Variants in PDXDC1 observed in about 807,000 individuals in gnomAD.
The protein encoded by PDXDC1 is pyridoxal-dependent decarboxylase domain-containing protein 1.
A neutral mutation model predicts 100.1 loss-of-function variants in PDXDC1; 42 were observed. The observed-to-expected ratio is 0.42, with a 90% CI of 0.33 to 0.54. The LOEUF is 0.54. PDXDC1 is among the 20% of genes least tolerant of loss of function. The pLI is 0.10. For missense variants in PDXDC1, 636 were observed against 979.2 expected, an observed-to-expected ratio of 0.65 and a Z score of 4.68; for synonymous variants, 260 against 371.7, an observed-to-expected ratio of 0.70 and a Z score of 3.46.
In PDXDC1 at chr16:15,136,112, C is replaced by A. The variant is rs543163793; in HGVS notation, c.1400-2767C>A. The A allele has an allele frequency of 3.2e-6, 5 of 1,566,994 alleles. No individual in the cohort carries two copies. The East Asian group carries it at 1.1e-4, about 35-fold the overall frequency. ...TCCACCCGCTGCACAGTCGAGAAGC[C>A]GATCCACACGTCTAGGCTCCTGGGG... On this transcript the variant is annotated intron_variant, in intron 16 of 16. Coordinates refer to the PDXDC1 transcript ENST00000535621.
In PDXDC1 at chr16:15,032,935, T is replaced by C; in HGVS notation, c.1646T>C (p.Leu549Pro). Residue 549 changes from leucine to proline, a missense_variant, in exon 18 of 23, where the codon CTG (leucine) becomes CCG (proline). Leu to Pro is a moderately conservative substitution (Grantham distance 98, BLOSUM62 -3). Transcript: ENST00000396410. Reference protein sequence around the residue: ...PEGENIHAGLLKKLNELESDL... With the variant: ...PEGENIHAGLPKKLNELESDL... The stretch of plus-strand genomic sequence containing the variant: ...GGGGAAAACATCCATGCTGGACTCC[T>C]GAAGAAGTTAAATGAACTGGAATCT... 1 of 1,611,242 alleles carries C rather than the reference T, an allele frequency of 6.2e-7. No homozygotes were observed.
At chr16:14,979,311 A>G in intron 1 of PDXDC1, among the ~76,000 whole-genome samples, 1 of 152,040 alleles carries the variant, frequency 6.6e-6, no homozygotes, top group East Asian at 1.9e-4. Flanking sequence ...TTTTTTTGAG[A>G]TGGAGTCTCC....
intron 16 of PDXDC1, chr16:15,071,310 C>G: frequency 6.7e-7 from 1 of 1,490,094 alleles, no homozygotes; most frequent in African/African-American, 1.4e-5. Flanking sequence ...ATCTGGCTAT[C>G]AAAATCCCAA....
chr16:15,011,258 A>G (rs1261832710), intron 8 of PDXDC1, among the ~76,000 whole-genome samples: 3 of 152,306 alleles, frequency 2.0e-5, no homozygotes, highest in African/African-American at 4.8e-5. Context: ...TGTGAAGTAT[A>G]TGGACACTTC....
downstream of PDXDC1, chr16:15,040,154 G>A (rs892151678): frequency 2.7e-5 from 19 of 707,654 alleles, no homozygotes; most frequent in African/African-American, 3.4e-4. Flanking sequence ...CCACTCCTAA[G>A]AGAAAGATAG....
chr16:15,121,947 C>T, intron 16 of PDXDC1: 1 of 253,714 alleles, frequency 3.9e-6, no homozygotes, highest in South Asian at 3.5e-5. Flanking sequence ...TGGAGACTAT[C>T]CTGGCGAACA....
At chr16:15,003,087 T>C (rs1973501528) in intron 4 of PDXDC1, among the ~76,000 whole-genome samples, 1 of 152,232 alleles carries the variant, frequency 6.6e-6, no homozygotes. Flanking sequence ...AAAATTAGTT[T>C]TAATTCTATA....
intron 16 of PDXDC1, chr16:15,127,789 C>T (rs760068061): frequency 3.0e-5 from 46 of 1,556,752 alleles, no homozygotes; most frequent in Admixed American, 1.2e-4. Context: ...GCGAGTGAAA[C>T]AGCTACGAGG....
At chr16:15,035,589 G>A (rs745802375) in intron 22 of PDXDC1, 36 bp downstream of exon 22, 17 of 1,304,668 alleles carry the variant, frequency 1.3e-5, no homozygotes, top group Non-Finnish European at 1.7e-5. Context: ...CAGGTAACAG[G>A]TTTCCCCTGT....
At chr16:15,132,913 A>T in intron 16 of PDXDC1, 4 of 1,587,904 alleles carry the variant, frequency 2.5e-6, no homozygotes, top group African/African-American at 1.3e-5. Context: ...TCAGCAGGGC[A>T]GGAGACCGGC....
intron 16 of PDXDC1, among the ~76,000 whole-genome samples, chr16:15,090,473 C>G (rs1279845175): frequency 6.6e-6 from 1 of 152,166 alleles, no homozygotes; most frequent in East Asian, 1.9e-4. Flanking sequence ...ATGGCATGCA[C>G]CTATAGTCCC....
Position 15,131,715 on chromosome 16 carries a change from C to G in PDXDC1, c.1400-7164C>G, listed in dbSNP as rs202038522. Reference sequence around the variant, plus strand: ...CCAGGTGGATGAGGTCTCCTGCAGACAGACGTGAGGTCAGTGCAGAGACAG... The same window carrying G: ...CCAGGTGGATGAGGTCTCCTGCAGAGAGACGTGAGGTCAGTGCAGAGACAG... On this transcript the variant is annotated intron_variant, in intron 16 of 16. Transcript: ENST00000535621. 658 of 1,495,000 alleles carry G rather than the reference C, an allele frequency of 4.4e-4. 1 individual carries two copies. Among genetic ancestry groups the G allele is most frequent in the Non-Finnish European group, 5.6e-4 (622 of 1,117,182 alleles). The allele number at this position is 1,495,000 out of a possible 1,614,324, so 92.6% of individuals were successfully genotyped here.
At chr16:15,030,335 A>G (rs954217246) in intron 16 of PDXDC1, among the ~76,000 whole-genome samples, 2 of 152,220 alleles carry the variant, frequency 1.3e-5, no homozygotes. Flanking sequence ...ATCTGAGGTC[A>G]GGAGTTCGAG....
intron 1 of PDXDC1, among the ~76,000 whole-genome samples, chr16:14,993,124 TA>T (rs1227895467): frequency 2.0e-4 from 31 of 152,288 alleles, no homozygotes; most frequent in South Asian, 6.2e-4. Context: ...AATGACACTT[TA>T]AAAAAAAATT....
chr16:15,110,829 A>G (rs2047016768), intron 16 of PDXDC1: 1 of 1,561,132 alleles, frequency 6.4e-7, no homozygotes, highest in Non-Finnish European at 8.7e-7. Context: ...CACCTAGGAA[A>G]TAATAATATA....
chr16:15,148,922 T>C, the PDXDC1 span, among the ~76,000 whole-genome samples: 1 of 152,262 alleles, frequency 6.6e-6, no homozygotes, highest in Admixed American at 6.5e-5. Context: ...TTGTCCACAT[T>C]TTTGTCCACA....
At chr16:15,060,127 CT>C in intron 16 of PDXDC1, 1 of 346,506 alleles carries the variant, frequency 2.9e-6, no homozygotes, top group Non-Finnish European at 5.7e-6. Flanking sequence ...TCACAAACTC[CT>C]TTGAAATTAA....
At chr16:15,145,077 A>C in the PDXDC1 span, among the ~76,000 whole-genome samples, 31 of 152,254 alleles carry the variant, frequency 2.0e-4, no homozygotes, top group South Asian at 6.4e-3. Flanking sequence ...ACAGAGGCTC[A>C]AGAGGCCCTC....
At chr16:15,031,112 ATTTTTTTTTTT>A (rs771115923) in intron 16 of PDXDC1, among the ~76,000 whole-genome samples, 1 of 73,958 alleles carries the variant, frequency 1.4e-5, no homozygotes, top group Non-Finnish European at 2.5e-5. Flanking sequence ...CACCACATCT[ATTTTTTTTTTT>A]TTTTTTTTTT....
Sources: gnomAD v4.1 joint callset for allele counts (sites outside exome capture counted in the v4.1 genomes callset) on GRCh38, gnomAD v4.1.1 for gene constraint, MANE v1.5 for transcripts, NCBI Gene and HGNC (gene_info 2026-07-23, HGNC 2026-07-21) for gene names.